Variants in THSD7A observed in about 807,000 individuals in gnomAD.
THSD7A encodes the protein thrombospondin type 1 domain containing 7A.
A neutral mutation model predicts 231.3 loss-of-function variants in THSD7A; 96 were observed. The observed-to-expected ratio is 0.41, with a 90% confidence interval of 0.35 to 0.49. The LOEUF (loss-of-function observed/expected upper bound fraction) is 0.49, where lower values mean the gene tolerates loss of function less well. Among genes scored for constraint, THSD7A ranks in the 20% least tolerant of loss-of-function variants. The pLI is 0.05. For synonymous variants in THSD7A, 940 were observed against 743.3 expected, an observed-to-expected ratio of 1.26 and a Z score of -4.30; for missense variants, 2,290 against 2,070.2, an observed-to-expected ratio of 1.11 and a Z score of -2.06.
chr7:11,538,512 C>T (rs564569021), intron 6 of THSD7A, among the ~76,000 whole-genome samples: 1 of 152,232 alleles, frequency 6.6e-6, no homozygotes, highest in Admixed American at 6.5e-5. Flanking sequence ...CAGATTTACA[C>T]CTTTAAATGA....
intron 1 of THSD7A, among the ~76,000 whole-genome samples, chr7:11,661,344 C>A (rs915922817): frequency 2.0e-5 from 3 of 151,016 alleles, no homozygotes; most frequent in East Asian, 3.9e-4. Context: ...CAAATTCAGG[C>A]AAAATTGCTA....
intron 1 of THSD7A, among the ~76,000 whole-genome samples, chr7:11,710,090 AT>A (rs533515786): frequency 4.9e-4 from 73 of 150,234 alleles, no homozygotes; most frequent in African/African-American, 1.6e-3. Context: ...AATAAATGCT[AT>A]TTTTTTTTAA....
intron 23 of THSD7A, among the ~76,000 whole-genome samples, chr7:11,399,210 G>A (rs1324772463): frequency 6.6e-6 from 1 of 152,024 alleles, no homozygotes; most frequent in African/African-American, 2.4e-5. Flanking sequence ...GTATTTCATA[G>A]GTTTGAAAAT....
In THSD7A at chr7:11,377,181, T is replaced by TA. The variant is rs1454337979; in HGVS notation, c.4802-525dup. ...AATAATCTTTTATCTAGTCTGCACTTACAATGTGTTTTAAAATTGGCTGAC... is the reference window on the plus strand; with the variant it reads ...AATAATCTTTTATCTAGTCTGCACTTAACAATGTGTTTTAAAATTGGCTGAC... On this transcript the variant is annotated intron_variant, in intron 26 of 27. Transcript: ENST00000423059. This position sits in a 1 kb window ranked among gnomAD's most constrained non-coding sequence, Gnocchi z 4.5. The TA allele has an allele frequency of 1.3e-5, 2 of 152,222 alleles. No individual in the cohort carries two copies. The highest frequency in any genetic ancestry group is 3.4e-3 in the Middle Eastern group (1 of 294). The allele number at this position is 152,222 out of a possible 1,614,324, so 9.4% of individuals were successfully genotyped here.
chr7:11,411,208 G>A lies in THSD7A; in HGVS notation c.3797C>T (p.Ala1266Val), dbSNP rs200932314. 8.8e-5 allele frequency: 142 copies of A among 1,609,236 alleles called. No homozygotes were observed. The highest frequency in any genetic ancestry group is 1.0e-4 in the Non-Finnish European group (118 of 1,176,136). The stretch of plus-strand genomic sequence containing the variant: ...AGATATAACACAGCATCCACCTACC[G>A]CTTCACAATATTTCAGGTCAACTGA... ...GKSVDLKYCE[A>V]LGLEKNWQMN... is the part of the protein sequence containing the mutation. The change falls in exon 19 of 28, where the codon GCG (alanine) becomes GTG (valine). Residue 1266 changes from alanine to valine, a missense_variant and splice_region_variant. Coordinates refer to ENST00000423059, the MANE Select transcript of THSD7A (RefSeq NM_015204.3). The surrounding 1 kb of genome is among the most constrained non-coding windows in gnomAD (Gnocchi z 4.1).
rs575140673 is a variant in THSD7A, at chr7:11,821,203, T to G, written c.190+10554A>C. 5 of 1,178,300 alleles carry G rather than the reference T, an allele frequency of 4.2e-6. No individual in the cohort carries two copies. In the South Asian group the frequency reaches 6.2e-5, roughly 14 times the overall value. 73.0% of individuals were successfully genotyped at this position (1,178,300 alleles called of 1,614,324 possible). ...CCCAAAGTGATGCTCTTTAACATGG[T>G]GAACAATGGTCACTATATGTTGGGC... On this transcript the variant is annotated intron_variant, in intron 1 of 27. Coordinates refer to ENST00000423059, the MANE Select transcript of THSD7A (RefSeq NM_015204.3).
At chr7:11,534,812 C>A (rs1788848725) in intron 6 of THSD7A, among the ~76,000 whole-genome samples, 1 of 152,128 alleles carries the variant, frequency 6.6e-6, no homozygotes, top group African/African-American at 2.4e-5. Flanking sequence ...TAAACTCCTG[C>A]CTAATTTAAC....
chr7:11,750,069 G>T (rs1487682003), intron 1 of THSD7A, among the ~76,000 whole-genome samples: 2 of 149,756 alleles, frequency 1.3e-5, no homozygotes, highest in African/African-American at 4.9e-5. Flanking sequence ...AATAACTGCA[G>T]GGTGGAATCC....
At chr7:11,538,300 T>A (rs1338978844) in intron 6 of THSD7A, among the ~76,000 whole-genome samples, 1 of 152,120 alleles carries the variant, frequency 6.6e-6, no homozygotes, top group Non-Finnish European at 1.5e-5. Context: ...AGTGTCAATA[T>A]TCGATATCTG....
At chr7:11,467,439 T>C (rs1354931236) in intron 9 of THSD7A, among the ~76,000 whole-genome samples, 1 of 152,166 alleles carries the variant, frequency 6.6e-6, no homozygotes, top group Non-Finnish European at 1.5e-5. Context: ...GTGATTTCTC[T>C]ATATGACCAT....
At chr7:11,744,563 G>A (rs1406832236) in intron 1 of THSD7A, among the ~76,000 whole-genome samples, 1 of 151,070 alleles carries the variant, frequency 6.6e-6, no homozygotes, top group East Asian at 2.0e-4. Context: ...TTTAACATTA[G>A]GTATATCTCC....
intron 11 of THSD7A, among the ~76,000 whole-genome samples, chr7:11,454,410 C>T (rs1785238557): frequency 6.6e-6 from 1 of 151,776 alleles, no homozygotes; most frequent in Non-Finnish European, 1.5e-5. Context: ...CAAAACTATC[C>T]TTGCCCCTTG....
Position 11,376,712 on chromosome 7 carries a change from A to G in THSD7A, c.4802-55T>C, listed in dbSNP as rs185516102. On this transcript the variant is annotated intron_variant, in intron 26 of 27. Coordinates refer to ENST00000423059, the MANE Select transcript of THSD7A (RefSeq NM_015204.3). ...TACATTAGTCTGGTATACATGAGGC[A>G]GTCTTTAACTATGACCAATGATCAG... 221 of 1,333,644 alleles carry G rather than the reference A, an allele frequency of 1.7e-4. No individual in the cohort carries two copies. In the African/African-American group the frequency reaches 3.0e-3, roughly 18 times the overall value. The allele number at this position is 1,333,644 out of a possible 1,614,324, so 82.6% of individuals were successfully genotyped here. A position where few individuals can be genotyped will look rare whatever the true frequency, so the allele number is the denominator to read the frequency against.
At chr7:11,707,522 G>C (rs1437675994) in intron 1 of THSD7A, among the ~76,000 whole-genome samples, 5 of 150,948 alleles carry the variant, frequency 3.3e-5, no homozygotes, top group Admixed American at 1.3e-4. Flanking sequence ...TTTGCCATTT[G>C]TTAGCTAAAA....
At chr7:11,627,769 G>A (rs6950617) in intron 2 of THSD7A, among the ~76,000 whole-genome samples, 16,949 of 152,100 alleles carry the variant, frequency 0.11, 2,717 homozygotes, top group African/African-American at 0.34. Context: ...TTGGGTCTCA[G>A]TGCTGGTTTA....
chr7:11,447,884 A>C (rs1785023996), intron 11 of THSD7A, among the ~76,000 whole-genome samples: 2 of 152,094 alleles, frequency 1.3e-5, no homozygotes, highest in Non-Finnish European at 2.9e-5. Context: ...CCTTTATAGA[A>C]GTGTTTTAGT....
At chr7:11,564,869 A>G (rs1201164888) in intron 4 of THSD7A, among the ~76,000 whole-genome samples, 1 of 152,206 alleles carries the variant, frequency 6.6e-6, no homozygotes, top group Non-Finnish European at 1.5e-5. Context: ...GTTTCGTGTA[A>G]GATAAGAACA....
At chr7:11,563,174 G>A (rs1199860362) in intron 4 of THSD7A, among the ~76,000 whole-genome samples, 3 of 147,842 alleles carry the variant, frequency 2.0e-5, no homozygotes, top group Non-Finnish European at 3.0e-5. Flanking sequence ...TTAATATAAT[G>A]GTGACATAAA....
chr7:11,429,604 C>T (rs540702751), intron 13 of THSD7A, among the ~76,000 whole-genome samples: 4 of 152,216 alleles, frequency 2.6e-5, no homozygotes, highest in Non-Finnish European at 2.9e-5. Context: ...TAGCATCTTG[C>T]GTTTCTCCTT....
Sources: gnomAD v4.1 joint callset for allele counts (sites outside exome capture counted in the v4.1 genomes callset) on GRCh38, gnomAD v4.1.1 for gene constraint, Gnocchi (gnomAD v3.1) non-coding constraint, MANE v1.5 for transcripts, NCBI Gene and HGNC (gene_info 2026-07-23, HGNC 2026-07-21) for gene names.